CLCN4: variants seen among roughly 807,000 people sequenced by gnomAD.
CLCN4 encodes the protein Cl-/H+ antiporter 4.
In CLCN4, 1 loss-of-function variant was observed where a neutral mutation model predicts 41.7. That is an observed-to-expected ratio of 0.02 (90% CI 0.01 to 0.11). The LOEUF is 0.11. Among genes scored for constraint, CLCN4 ranks in the 10% least tolerant of loss-of-function variants. The pLI is 1.00. For missense variants in CLCN4, 287 were observed against 661.0 expected (o/e 0.43, Z 6.20); for synonymous variants, 277 against 285.8 (o/e 0.97, Z 0.31).
chrX:10,190,455 G>A (rs759175908), intron 4 of CLCN4, among the ~76,000 whole-genome samples: 83 of 111,132 alleles, frequency 7.5e-4, no homozygotes, highest in Non-Finnish European at 1.1e-3. Flanking sequence ...TGTTTTTCCT[G>A]TGGAAAAACA....
In CLCN4 at chrX:10,233,742, A is replaced by G; in HGVS notation, c.*158A>G. On this transcript the variant is annotated 3_prime_UTR_variant, in exon 13 of 13. Coordinates refer to ENST00000380833, the MANE Select transcript of CLCN4 (RefSeq NM_001830.4). Reference sequence around the variant, plus strand: ...GAAGAAGGATGAAACCTTTAAAAACAAAAACAAAAACATCAATGAGTAGGC... The same window carrying G: ...GAAGAAGGATGAAACCTTTAAAAACGAAAACAAAAACATCAATGAGTAGGC... 1 of 446,361 alleles carries G rather than the reference A, an allele frequency of 2.2e-6. No individual in the cohort carries two copies. Among genetic ancestry groups the G allele is most frequent in the South Asian group, 3.4e-5 (1 of 29,183 alleles). 36.8% of individuals were successfully genotyped at this position (446,361 alleles called of 1,213,427 possible).
chrX:10,174,455 A>G (rs1463221844), intron 2 of CLCN4, among the ~76,000 whole-genome samples: 1 of 112,766 alleles, frequency 8.9e-6, no homozygotes, highest in Non-Finnish European at 1.9e-5. Context: ...TCACCCAATA[A>G]CAAGCTCATT....
At chrX:10,217,225 G>A (rs931537588) in intron 11 of CLCN4, among the ~76,000 whole-genome samples, 10 of 108,980 alleles carry the variant, frequency 9.2e-5, no homozygotes, top group African/African-American at 2.7e-4. Context: ...TTCAGCCTCC[G>A]GAGAAGCTAG....
intron 2 of CLCN4, among the ~76,000 whole-genome samples, chrX:10,177,144 C>T (rs987783691): frequency 1.8e-5 from 2 of 112,426 alleles, no homozygotes; most frequent in African/African-American, 6.5e-5. Context: ...AATATTTTGC[C>T]ACACATGAAG....
In CLCN4 at chrX:10,191,692, A is replaced by ATTTTT. The variant is rs760315418; in HGVS notation, c.245-3195_245-3191dup. On this transcript the variant is annotated intron_variant, in intron 4 of 12. Coordinates refer to ENST00000380833, the MANE Select transcript of CLCN4 (RefSeq NM_001830.4). ...AGGCGCGTGCCACCATATCTGGTTA[A>ATTTTT]TTTTTTTTTTTTTTTTTTTTTTTTT... Among the ~76,000 whole-genome samples, 77 of 49,764 alleles carry ATTTTT rather than the reference A, an allele frequency of 1.5e-3. 4 individuals carry two copies. Among genetic ancestry groups the ATTTTT allele is most frequent in the African/African-American group, 4.2e-3 (46 of 10,846 alleles). The allele number at this position is 49,764 out of a possible 115,157, so 43.2% of individuals were successfully genotyped here.
Position 10,234,420 on chromosome X carries a change from C to G in CLCN4, c.*836C>G, listed in dbSNP as rs910938057. The G allele has an allele frequency of 8.8e-6, 1 of 113,207 alleles. No homozygotes were observed. The highest frequency in any genetic ancestry group is 1.9e-5 in the Non-Finnish European group (1 of 53,394). The allele number at this position is 113,207 out of a possible 1,213,427, so 9.3% of individuals were successfully genotyped here. ...TTGCTTCATTTATTTATTGCTTTTG[C>G]CCATGCATTCAATATTGATCAGCTC... On this transcript the variant is annotated 3_prime_UTR_variant, in exon 13 of 13. Transcript: ENST00000380833.
chrX:10,231,100 A>G (rs1174021173), intron 12 of CLCN4, among the ~76,000 whole-genome samples: 1 of 112,240 alleles, frequency 8.9e-6, no homozygotes, highest in Non-Finnish European at 1.9e-5. Context: ...AGTTGGAATC[A>G]TTCAGTATGT....
At chrX:10,221,106 G>A (rs1924849732) in intron 12 of CLCN4, among the ~76,000 whole-genome samples, 1 of 111,106 alleles carries the variant, frequency 9.0e-6, no homozygotes, top group African/African-American at 3.3e-5. Context: ...CTGCTGCCTG[G>A]GCTGAGGGAG....
chrX:10,175,505 A>C (rs1923495891), intron 2 of CLCN4, among the ~76,000 whole-genome samples: 1 of 111,629 alleles, frequency 9.0e-6, no homozygotes, highest in Admixed American at 9.5e-5. Context: ...GTTGGAAGAA[A>C]AGCAGCTCGG....
chrX:10,186,598 C>T (rs1016183554), intron 3 of CLCN4, among the ~76,000 whole-genome samples: 14 of 111,091 alleles, frequency 1.3e-4, no homozygotes, highest in African/African-American at 4.6e-4. Context: ...CATGTCACAT[C>T]GCCTCACGAG....
intron 9 of CLCN4, among the ~76,000 whole-genome samples, chrX:10,210,784 A>ACT (rs1466722989): frequency 9.7e-6 from 1 of 102,817 alleles, no homozygotes; most frequent in African/African-American, 3.6e-5. Context: ...GCCCACTGGG[A>ACT]CTACAGACAC....
chrX:10,161,124 G>GCTCT (rs34687262), intron 2 of CLCN4, among the ~76,000 whole-genome samples: 3,397 of 86,305 alleles, frequency 0.039, 103 homozygotes, highest in East Asian at 0.13. Flanking sequence ...CCATCAGCTT[G>GCTCT]CTCTCTCTCT....
chrX:10,194,667 AG>A (rs778655372), intron 4 of CLCN4, among the ~76,000 whole-genome samples: 2 of 112,332 alleles, frequency 1.8e-5, no homozygotes. Flanking sequence ...ACCCAGTTCA[AG>A]CTACTGAACC....
chrX:10,170,132 C>T (rs191637997), intron 2 of CLCN4, among the ~76,000 whole-genome samples: 81 of 112,168 alleles, frequency 7.2e-4, no homozygotes, highest in Non-Finnish European at 1.4e-3. Flanking sequence ...ATGTCCAAAG[C>T]ATTCAATAGC....
chrX:10,161,124 G>GCCCTCT (rs1923085214), intron 2 of CLCN4, among the ~76,000 whole-genome samples: 1 of 86,425 alleles, frequency 1.2e-5, no homozygotes, highest in Admixed American at 1.4e-4. Flanking sequence ...CCATCAGCTT[G>GCCCTCT]CTCTCTCTCT....
intron 11 of CLCN4, among the ~76,000 whole-genome samples, chrX:10,216,438 A>G (rs996132578): frequency 9.0e-6 from 1 of 111,318 alleles, no homozygotes; most frequent in African/African-American, 3.3e-5. Flanking sequence ...TGCTCTGCAA[A>G]TATGAGGACT....
At chrX:10,218,236 A>C in intron 11 of CLCN4, among the ~76,000 whole-genome samples, 1 of 112,696 alleles carries the variant, frequency 8.9e-6, no homozygotes, top group Admixed American at 9.4e-5. Context: ...CAGAAGAAAA[A>C]GGAAACATTT....
chrX:10,188,387 G>A (rs1232612343), intron 4 of CLCN4, among the ~76,000 whole-genome samples: 2 of 112,208 alleles, frequency 1.8e-5, no homozygotes, highest in Non-Finnish European at 3.8e-5. Context: ...AGACACCCAC[G>A]GGAGCTGAGG....
chrX:10,225,726 G>C (rs1279849298), intron 12 of CLCN4, among the ~76,000 whole-genome samples: 1 of 111,555 alleles, frequency 9.0e-6, no homozygotes, highest in Non-Finnish European at 1.9e-5. Context: ...TATCGTTTTG[G>C]GTTTTACATT....
Sources: gnomAD v4.1 joint callset for allele counts (sites outside exome capture counted in the v4.1 genomes callset) on GRCh38, gnomAD v4.1.1 for gene constraint, MANE v1.5 for transcripts, NCBI Gene and HGNC (gene_info 2026-07-23, HGNC 2026-07-21) for gene names.